The following ACVR2A variants were observed in gnomAD, a reference collection of about 807,000 sequenced individuals.
The protein encoded by ACVR2A is activin A receptor type 2A, also known as activin receptor type-2A.
Under a neutral mutation model 61.4 loss-of-function variants are expected in ACVR2A, and 7 were observed. That is an observed-to-expected ratio of 0.11 (90% confidence interval 0.06 to 0.21). The LOEUF (loss-of-function observed/expected upper bound fraction) is 0.21. ACVR2A is among the 10% of genes least tolerant of loss of function. ACVR2A has a pLI of 1.00. For missense variants in ACVR2A, 322 were observed against 621.7 expected (o/e 0.52, Z 5.13); for synonymous variants, 193 against 208.3 (o/e 0.93, Z 0.63).
At chr2:147,872,175 C>T (rs1686037443) in intron 1 of ACVR2A, among the ~76,000 whole-genome samples, 1 of 151,982 alleles carries the variant, frequency 6.6e-6, no homozygotes, top group African/African-American at 2.4e-5. Flanking sequence ...GTTCCACCTG[C>T]CACTTTTGCA....
intron 2 of ACVR2A, chr2:147,898,324 TTGAA>T (rs1241635395): frequency 2.0e-5 from 3 of 152,074 alleles, no homozygotes; most frequent in African/African-American, 7.2e-5. Context: ...AAGAATGAAA[TTGAA>T]TGGTGAAAAG....
chr2:147,855,724 G>A (rs987384231), intron 1 of ACVR2A, among the ~76,000 whole-genome samples: 1 of 151,274 alleles, frequency 6.6e-6, no homozygotes, highest in Non-Finnish European at 1.5e-5. Context: ...GGCTTCTTGT[G>A]CATATGTGAA....
chr2:147,924,678 A>G (rs1687460961), intron 9 of ACVR2A, among the ~76,000 whole-genome samples: 1 of 151,932 alleles, frequency 6.6e-6, no homozygotes, highest in Non-Finnish European at 1.5e-5. Context: ...ATTGATTGCT[A>G]AAGTAGGTGC....
At chr2:147,911,213 A>C (rs896485830) in intron 4 of ACVR2A, among the ~76,000 whole-genome samples, 19 of 152,122 alleles carry the variant, frequency 1.2e-4, no homozygotes, top group Admixed American at 1.2e-3. Context: ...TAGAAAAATA[A>C]ATAATCATTA....
intron 4 of ACVR2A, among the ~76,000 whole-genome samples, chr2:147,903,996 G>T (rs1686930973): frequency 6.6e-6 from 1 of 151,958 alleles, no homozygotes; most frequent in Non-Finnish European, 1.5e-5. Flanking sequence ...GTGCTTTAGG[G>T]CTTTGCGTTG....
intron 4 of ACVR2A, chr2:147,902,784 C>T (rs1686901315): frequency 1.3e-5 from 2 of 151,940 alleles, no homozygotes; most frequent in South Asian, 4.1e-4. Context: ...TATTTGAAGT[C>T]TTAAAGTGAC....
chr2:147,860,612 G>A (rs966769885), intron 1 of ACVR2A, among the ~76,000 whole-genome samples: 2 of 152,052 alleles, frequency 1.3e-5, no homozygotes, highest in African/African-American at 4.8e-5. Flanking sequence ...CCCTGATTCT[G>A]ATCTCTACCT....
rs1687591461 is a variant in ACVR2A at position 147,929,184 on chromosome 2, A to C, written c.*1910A>C. Reference sequence around the variant, plus strand: ...TGGTCTCATTCATTGTATTCCTAGCAATTCCCTTTTCAATGTTGAGTTCAC... The same window carrying C: ...TGGTCTCATTCATTGTATTCCTAGCCATTCCCTTTTCAATGTTGAGTTCAC... On this transcript the variant is annotated 3_prime_UTR_variant, in exon 11 of 11. Transcript: ENST00000241416. 1 of 152,094 alleles carries C rather than the reference A, an allele frequency of 6.6e-6. No individual in the cohort carries two copies. The highest frequency in any genetic ancestry group is 2.4e-5 in the African/African-American group (1 of 41,400). 9.4% of individuals were successfully genotyped at this position (152,094 alleles called of 1,614,324 possible). A position where few individuals can be genotyped will look rare whatever the true frequency, so the allele number is the denominator to read the frequency against.
chr2:147,870,542 A>T (rs774658008), intron 1 of ACVR2A, among the ~76,000 whole-genome samples: 3 of 152,124 alleles, frequency 2.0e-5, no homozygotes, highest in Non-Finnish European at 4.4e-5. Flanking sequence ...AGTTGGCACT[A>T]AATATTGGAG....
At chr2:147,917,984 G>C (rs1687287563) in intron 6 of ACVR2A, among the ~76,000 whole-genome samples, 1 of 151,718 alleles carries the variant, frequency 6.6e-6, no homozygotes, top group African/African-American at 2.4e-5. Flanking sequence ...AAATGTAAGT[G>C]GTTCTTTTAC....
At chr2:147,885,947 T>G (rs1053726066) in intron 1 of ACVR2A, among the ~76,000 whole-genome samples, 2 of 152,160 alleles carry the variant, frequency 1.3e-5, no homozygotes, top group African/African-American at 2.4e-5. Flanking sequence ...TGTTGAGATT[T>G]GCCTGGTACT....
chr2:147,847,358 A>G (rs1014031613), intron 1 of ACVR2A, among the ~76,000 whole-genome samples: 7 of 152,122 alleles, frequency 4.6e-5, no homozygotes. Context: ...GATCAGATGC[A>G]CTCTAAAAAA....
chr2:147,926,286 A>G, intron 10 of ACVR2A, 125 bp downstream of exon 10: 1 of 1,242,636 alleles, frequency 8.0e-7, no homozygotes, highest in Non-Finnish European at 1.1e-6. Flanking sequence ...CACACAGGAT[A>G]TTCTAGAGTT....
chr2:147,889,755 A>C (rs1474238499), intron 1 of ACVR2A, among the ~76,000 whole-genome samples: 1 of 152,068 alleles, frequency 6.6e-6, no homozygotes, highest in African/African-American at 2.4e-5. Context: ...TCAAAAAAAA[A>C]GAAGTAGACT....
intron 1 of ACVR2A, among the ~76,000 whole-genome samples, chr2:147,871,061 T>C (rs1289844242): frequency 6.6e-6 from 1 of 152,144 alleles, no homozygotes; most frequent in Non-Finnish European, 1.5e-5. Context: ...AAAAAGACTC[T>C]TCTATTTCTT....
At chr2:147,873,742 T>C (rs1483019964) in intron 1 of ACVR2A, among the ~76,000 whole-genome samples, 1 of 151,800 alleles carries the variant, frequency 6.6e-6, no homozygotes, top group African/African-American at 2.4e-5. Flanking sequence ...CAATAGAAAA[T>C]GAAAATAGGA....
intron 4 of ACVR2A, among the ~76,000 whole-genome samples, chr2:147,913,706 C>T (rs1319090066): frequency 6.6e-6 from 1 of 150,926 alleles, no homozygotes; most frequent in East Asian, 2.0e-4. Flanking sequence ...CTGAGAATCA[C>T]ACTTGAGAGC....
At chr2:147,852,338 A>G (rs867912352) in intron 1 of ACVR2A, among the ~76,000 whole-genome samples, 1 of 152,058 alleles carries the variant, frequency 6.6e-6, no homozygotes, top group Non-Finnish European at 1.5e-5. Context: ...ATTACATTTC[A>G]TTTAAAAAAC....
At chr2:147,862,524 A>G (rs1685751678) in intron 1 of ACVR2A, among the ~76,000 whole-genome samples, 2 of 152,090 alleles carry the variant, frequency 1.3e-5, no homozygotes, top group South Asian at 4.1e-4. Flanking sequence ...CGGGCAGATC[A>G]CCTGAAGTCA....
Sources: gnomAD v4.1 joint callset for allele counts (sites outside exome capture counted in the v4.1 genomes callset) on GRCh38, gnomAD v4.1.1 for gene constraint, MANE v1.5 for transcripts, NCBI Gene and HGNC (gene_info 2026-07-23, HGNC 2026-07-21) for gene names.